The following ELFN1 variants were observed in gnomAD, a reference collection of about 807,000 sequenced individuals.
ELFN1 encodes protein ELFN1.
A neutral mutation model predicts 7.6 loss-of-function variants in ELFN1; 6 were observed. The observed-to-expected ratio is 0.79, with a 90% CI of 0.43 to 1.56. The LOEUF is 1.56. Among genes scored for constraint, ELFN1 ranks in the 40% most tolerant of loss-of-function variants. The probability of loss-of-function intolerance (pLI) is 0.01; values close to 1 mark genes in which losing one functional copy is unlikely to be tolerated. For synonymous variants in ELFN1, 657 were observed against 588.1 expected (o/e 1.12, Z -1.70); for missense variants, 1,169 against 1,232.2 (o/e 0.95, Z 0.77).
chr7:1,672,030 C>T (rs563922603), intron 1 of ELFN1, among the ~76,000 whole-genome samples: 1 of 152,344 alleles, frequency 6.6e-6, no homozygotes, highest in East Asian at 1.9e-4. Flanking sequence ...CTCCCCCTGT[C>T]CTACAGCCAG....
intron 1 of ELFN1, among the ~76,000 whole-genome samples, chr7:1,671,170 G>GGCC (rs1778758855): frequency 7.2e-6 from 1 of 138,178 alleles, no homozygotes; most frequent in Admixed American, 7.1e-5. Flanking sequence ...ACCGCACACC[G>GGCC]CCCCCCCCCC....
chr7:1,721,289 T>G lies in ELFN1; in HGVS notation c.-294+12037T>G, dbSNP rs574686996. Among the ~76,000 whole-genome samples the G allele has an allele frequency of 5.3e-5, 8 of 152,340 alleles. No homozygotes were observed. In the South Asian group the frequency reaches 8.3e-4, roughly 16 times the overall value. Reference sequence around the variant, plus strand: ...TCAGGGAGCTACAGGGGTGTCACCTTGGAGAGGGATGACCTCACTGTGTAA... The same window carrying G: ...TCAGGGAGCTACAGGGGTGTCACCTGGGAGAGGGATGACCTCACTGTGTAA... On this transcript the variant is annotated intron_variant, in intron 3 of 3. Transcript: ENST00000424383.
chr7:1,677,665 T>TCTTGGACACC (rs759636683), intron 1 of ELFN1, among the ~76,000 whole-genome samples: 28 of 151,576 alleles, frequency 1.8e-4, no homozygotes, highest in Non-Finnish European at 3.8e-4. Context: ...CCCTTTCCCC[T>TCTTGGACACC]CTTGGACACC....
At chr7:1,716,605 G>T (rs1168679377) in intron 3 of ELFN1, among the ~76,000 whole-genome samples, 1 of 152,250 alleles carries the variant, frequency 6.6e-6, no homozygotes, top group Admixed American at 6.5e-5. Flanking sequence ...GCACACACAG[G>T]TGTAGGCATC....
chr7:1,702,543 A>G (rs1779450919), intron 2 of ELFN1, among the ~76,000 whole-genome samples: 1 of 151,194 alleles, frequency 6.6e-6, no homozygotes, highest in Admixed American at 6.6e-5. Flanking sequence ...AGTTCCACAA[A>G]AAGAAAAAAA....
At chr7:1,670,174 G>A (rs1414306432), upstream of ELFN1, among the ~76,000 whole-genome samples, 2 of 149,136 alleles carry the variant, frequency 1.3e-5, no homozygotes, top group African/African-American at 2.5e-5. The surrounding 1 kb of genome is among the most constrained non-coding windows in gnomAD (Gnocchi z 6.4). Flanking sequence ...AGGGAGGGAA[G>A]GGGGGCGGGA....
intron 2 of ELFN1, among the ~76,000 whole-genome samples, chr7:1,703,772 A>G (rs1007867779): frequency 6.6e-6 from 1 of 152,198 alleles, no homozygotes; most frequent in Non-Finnish European, 1.5e-5. Flanking sequence ...GTTTCAGTCC[A>G]AAGCAAAGAA....
chr7:1,712,663 C>G (rs1369025928), intron 3 of ELFN1, among the ~76,000 whole-genome samples: 1 of 151,982 alleles, frequency 6.6e-6, no homozygotes, highest in Non-Finnish European at 1.5e-5. Flanking sequence ...AACTCCTGAC[C>G]TCAAGTGATC....
At position 1,740,256 on chromosome 7, in the gene ELFN1, C is replaced by T. The variant is rs1484444065; in HGVS notation, c.-293-4048C>T. Among the ~76,000 whole-genome samples the T allele has an allele frequency of 6.6e-6, 1 of 152,206 alleles. No homozygotes were observed. Among genetic ancestry groups the T allele is most frequent in the Non-Finnish European group, 1.5e-5 (1 of 68,032 alleles). ...GCTCCTTTCAGGCAGTGGGGAGCCG[C>T]CCTCCTGAGGGATGCCTATTGCCCT... On this transcript the variant is annotated intron_variant, in intron 3 of 3. Transcript: ENST00000424383. This position sits in a 1 kb window ranked among gnomAD's most constrained non-coding sequence, Gnocchi z 5.0.
At chr7:1,743,397 A>T (rs890093732) in intron 3 of ELFN1, among the ~76,000 whole-genome samples, 13 of 152,082 alleles carry the variant, frequency 8.5e-5, no homozygotes, top group Admixed American at 2.6e-4. Context: ...CCTGAGGAGG[A>T]TGTGTGGAGC....
In ELFN1 at chr7:1,747,365, A is replaced by ATGGGGGG. The variant is rs1471489953; in HGVS notation, c.*289_*295dup. Reference sequence around the variant, plus strand: ...GACTTCGGAAAACTGTGTCTTAGGGATGGGGGGTGGGGGTGGGGATTTTTT... The same window carrying ATGGGGGG: ...GACTTCGGAAAACTGTGTCTTAGGGATGGGGGGTGGGGGGTGGGGGTGGGGATTTTTT... On this transcript the variant is annotated 3_prime_UTR_variant, in exon 4 of 4. Transcript: ENST00000424383. 1 of 153,496 alleles carries ATGGGGGG rather than the reference A, an allele frequency of 6.5e-6. No individual in the cohort carries two copies. The highest frequency in any genetic ancestry group is 3.0e-5 in the African/African-American group (1 of 33,216). 9.5% of individuals were successfully genotyped at this position (153,496 alleles called of 1,614,324 possible).
intron 3 of ELFN1, among the ~76,000 whole-genome samples, chr7:1,718,354 C>A (rs1330694524): frequency 2.6e-5 from 4 of 152,184 alleles, no homozygotes; most frequent in Admixed American, 1.3e-4. Context: ...CCTCTGGACA[C>A]CCTGGGGCCG....
chr7:1,726,426 CAT>C (rs1562380557), intron 3 of ELFN1, among the ~76,000 whole-genome samples: 1 of 152,262 alleles, frequency 6.6e-6, no homozygotes, highest in Non-Finnish European at 1.5e-5. Context: ...CCCGCTCAGA[CAT>C]ATGCTGGCGG....
Position 1,735,666 on chromosome 7 carries a change from C to G in ELFN1, c.-293-8638C>G, listed in dbSNP as rs1417834709. On this transcript the variant is annotated intron_variant, in intron 3 of 3. Transcript: ENST00000424383. The surrounding 1 kb of genome is among the most constrained non-coding windows in gnomAD (Gnocchi z 5.9). ...AGCTGGTGAGATCCCTCAATGGGCCCCCCTCTGTGGGCACCAGGTCCGGCA... is the reference window on the plus strand; with the variant it reads ...AGCTGGTGAGATCCCTCAATGGGCCGCCCTCTGTGGGCACCAGGTCCGGCA... 3.3e-5 allele frequency among the ~76,000 whole-genome samples: 5 copies of G among 152,126 alleles called. No individual in the cohort carries two copies. The highest frequency in any genetic ancestry group is 7.4e-5 in the Non-Finnish European group (5 of 68,016).
At chr7:1,715,094 T>C (rs1235681479) in intron 3 of ELFN1, among the ~76,000 whole-genome samples, 3 of 152,152 alleles carry the variant, frequency 2.0e-5, no homozygotes, top group Non-Finnish European at 4.4e-5. Flanking sequence ...ATTAGGAAGG[T>C]AGCAGCCAAC....
At chr7:1,733,374 C>T (rs978451807) in intron 3 of ELFN1, among the ~76,000 whole-genome samples, 8 of 152,070 alleles carry the variant, frequency 5.3e-5, no homozygotes, top group Non-Finnish European at 7.4e-5. Flanking sequence ...ACAGGCCTCT[C>T]GGGTGCTGAT....
At chr7:1,714,249 G>C (rs925649504) in intron 3 of ELFN1, among the ~76,000 whole-genome samples, 5 of 152,022 alleles carry the variant, frequency 3.3e-5, no homozygotes, top group Admixed American at 6.6e-5. Flanking sequence ...ACCCTCTCAC[G>C]ACAGAGGCTC....
intron 1 of ELFN1, among the ~76,000 whole-genome samples, chr7:1,687,160 A>C (rs147678447): frequency 0.01 from 1,598 of 152,292 alleles, 14 homozygotes; most frequent in Non-Finnish European, 0.018. Context: ...AGCTTCAGGT[A>C]AGAACTCCAC....
rs996470758 is a variant in ELFN1, at chr7:1,745,498, C to T, written c.902C>T (p.Thr301Met). 16 of 1,544,312 alleles carry T rather than the reference C, an allele frequency of 1.0e-5. No homozygotes were observed. Among genetic ancestry groups the T allele is most frequent in the East Asian group, 4.9e-5 (2 of 40,922 alleles). The part of the protein sequence containing the change: ...DDECFSGDGT[T>M]PLVALPTLAT... ...GAGTGCTTCTCCGGGGACGGCACCA[C>T]GCCACTGGTGGCCCTGCCCACGCTG... The change falls in exon 4 of 4, where the codon ACG becomes ATG. Residue 301 changes from threonine (T) to methionine (M), a missense_variant. Coordinates refer to ENST00000424383, the MANE Select transcript of ELFN1 (RefSeq NM_001128636.4).
Sources: gnomAD v4.1 joint callset for allele counts (sites outside exome capture counted in the v4.1 genomes callset) on GRCh38, gnomAD v4.1.1 for gene constraint, Gnocchi (gnomAD v3.1) non-coding constraint, MANE v1.5 for transcripts, NCBI Gene and HGNC (gene_info 2026-07-23, HGNC 2026-07-21) for gene names.